The following ARTN variants were observed in gnomAD, a reference collection of about 807,000 sequenced individuals.
ARTN encodes artemin, also known as neublastin.
A neutral mutation model predicts 15.4 loss-of-function variants in ARTN; 9 were observed. The ratio of observed to expected loss-of-function variants is 0.58; its 90% CI spans 0.35 to 1.02. The LOEUF (loss-of-function observed/expected upper bound fraction) is 1.02. ARTN is among the 50% of genes least tolerant of loss of function. ARTN has a pLI of 0.02. For synonymous variants in ARTN, 163 were observed against 155.8 expected, an observed-to-expected ratio of 1.05 and a Z score of -0.35; for missense variants, 284 against 327.9, an observed-to-expected ratio of 0.87 and a Z score of 1.03.
chr1:43,936,679 T>C lies in ARTN; in HGVS notation c.577T>C (p.Tyr193His). 1 of 1,597,780 alleles carries C rather than the reference T, an allele frequency of 6.3e-7. No individual in the cohort carries two copies. Among genetic ancestry groups the C allele is most frequent in the Non-Finnish European group, 8.5e-7 (1 of 1,172,432 alleles). The change falls in exon 5 of 5, where the codon TAC (tyrosine) becomes CAC (histidine). Residue 193 changes from tyrosine (Y) to histidine (H), a missense_variant. Transcript: ENST00000372359. The surrounding 1 kb of genome is among the most constrained non-coding windows in gnomAD (Gnocchi z 6.6). ...CCAGCCCTGCTGCCGACCCACGCGC[T>C]ACGAAGCGGTCTCCTTCATGGACGT... ...VSQPCCRPTR[Y>H]EAVSFMDVNS...
Position 43,936,482 on chromosome 1 carries a change from C to T in ARTN, c.380C>T (p.Ser127Leu), listed in dbSNP as rs1438201269. The T allele has an allele frequency of 5.5e-6, 7 of 1,272,354 alleles. No homozygotes were observed. The highest frequency in any genetic ancestry group is 6.9e-6 in the Non-Finnish European group (7 of 1,009,516). The allele number at this position is 1,272,354 out of a possible 1,614,324, so 78.8% of individuals were successfully genotyped here. ...GGGGCGCGGGGCTGCCGCCTGCGCT[C>T]GCAGCTGGTGCCGGTGCGCGCGCTC... is the stretch of plus-strand genomic sequence containing the variant. ...AAGARGCRLR[S>L]QLVPVRALGL... The change falls in exon 5 of 5, where the codon TCG becomes TTG. Residue 127 changes from serine (S) to leucine (L), a missense_variant. Physicochemically the swap from Ser to Leu is moderately radical, Grantham distance 145 (BLOSUM62 -2). Coordinates refer to ENST00000372359, the MANE Select transcript of ARTN (RefSeq NM_057091.3). This position sits in a 1 kb window ranked among gnomAD's most constrained non-coding sequence, Gnocchi z 6.6.
chr1:43,935,420 A>G lies in ARTN; in HGVS notation c.-67-170A>G. 11 of 547,028 alleles carry G rather than the reference A, an allele frequency of 2.0e-5. No individual in the cohort carries two copies. In the South Asian group the frequency reaches 2.6e-4, roughly 13 times the overall value. The allele number at this position is 547,028 out of a possible 1,614,324, so 33.9% of individuals were successfully genotyped here. On this transcript the variant is annotated intron_variant, in intron 2 of 4. Transcript: ENST00000372359. ...AAAAGGGGATTAAACCATTTACCTC[A>G]TGGAGTTGTGAAAGAATAGCTGCAA...
chr1:43,936,319 TG>T lies in ARTN; in HGVS notation c.219del (p.Trp73CysfsTer188). On this transcript the variant is annotated frameshift_variant, in exon 5 of 5. Coordinates refer to ENST00000372359, the MANE Select transcript of ARTN (RefSeq NM_057091.3). LOFTEE classifies it high-confidence loss of function. This position sits in a 1 kb window ranked among gnomAD's most constrained non-coding sequence, Gnocchi z 6.6. ...GHLPGGRTAR[W>X]CSGRARRPPP... ...CATTCCAGGGGGACGCACGGCCCGC[TG>T]GTGCAGTGGAAGAGCCCGGCGGCCG... The T allele has an allele frequency of 7.4e-7, 1 of 1,352,852 alleles. No individual in the cohort carries two copies. Among genetic ancestry groups the T allele is most frequent in the Non-Finnish European group, 9.4e-7 (1 of 1,061,076 alleles). 83.8% of individuals were successfully genotyped at this position (1,352,852 alleles called of 1,614,324 possible). A position where few individuals can be genotyped will look rare whatever the true frequency, so the allele number is the denominator to read the frequency against.
intron 3 of ARTN, 53 bp downstream of exon 3, chr1:43,935,769 C>T: frequency 6.5e-7 from 1 of 1,539,960 alleles, no homozygotes; most frequent in Non-Finnish European, 8.9e-7. Context: ...GGCGGCTTGA[C>T]TGGTGAGGGA....
At position 43,936,371 on chromosome 1, in the gene ARTN, C is replaced by T; in HGVS notation, c.269C>T (p.Pro90Leu). 1.5e-6 allele frequency: 2 copies of T among 1,291,210 alleles called. No individual in the cohort carries two copies. Among genetic ancestry groups the T allele is most frequent in the Non-Finnish European group, 2.0e-6 (2 of 1,024,718 alleles). The allele number at this position is 1,291,210 out of a possible 1,614,324, so 80.0% of individuals were successfully genotyped here. A position where few individuals can be genotyped will look rare whatever the true frequency, so the allele number is the denominator to read the frequency against. The change falls in exon 5 of 5, where the codon CCC (proline) becomes CTC (leucine). Residue 90 changes from proline to leucine, a missense_variant. Transcript: ENST00000372359. The surrounding 1 kb of genome is among the most constrained non-coding windows in gnomAD (Gnocchi z 6.6). ...RPPPQPSRPA[P>L]PPPAPPSALP... ...CCGCCGCAGCCTTCTCGGCCCGCGC[C>T]CCCGCCGCCTGCACCCCCATCTGCT... is the stretch of plus-strand genomic sequence containing the variant.
chr1:43,935,615 C>T lies in ARTN; in HGVS notation c.-42C>T. 6.2e-7 allele frequency: 1 copy of T among 1,602,602 alleles called. No individual in the cohort carries two copies. Among genetic ancestry groups the T allele is most frequent in the Non-Finnish European group, 8.5e-7 (1 of 1,173,530 alleles). On this transcript the variant is annotated 5_prime_UTR_variant, in exon 3 of 5. Transcript: ENST00000372359. ...CTGCCTCAACAGGAGGGTGGGGGAA[C>T]AGCTCAACAATGGCTGATGGGCGCT...
Position 43,936,246 on chromosome 1 carries a change from G to A in ARTN, c.199+15G>A, listed in dbSNP as rs1352135950. On this transcript the variant is annotated intron_variant, in intron 4 of 4. Coordinates refer to ENST00000372359, the MANE Select transcript of ARTN (RefSeq NM_057091.3). The surrounding 1 kb of genome is among the most constrained non-coding windows in gnomAD (Gnocchi z 6.6). ...CCACCTGCCGGGTAGGTGAGAGGGC[G>A]AGGGGGCGGGGCGGGGCTGGCCCGG... The A allele has an allele frequency of 5.3e-5, 76 of 1,431,990 alleles. No individual in the cohort carries two copies. The highest frequency in any genetic ancestry group is 6.4e-5 in the Non-Finnish European group (71 of 1,103,652). 88.7% of individuals were successfully genotyped at this position (1,431,990 alleles called of 1,614,324 possible).
chr1:43,934,878 A>G (rs1221424569), intron 2 of ARTN, among the ~76,000 whole-genome samples: 1 of 152,170 alleles, frequency 6.6e-6, no homozygotes, highest in Non-Finnish European at 1.5e-5. Flanking sequence ...AGGGGATGGA[A>G]AAGCCCACCC....
At position 43,936,879 on chromosome 1, in the gene ARTN, G is replaced by A. The variant is rs2154301719; in HGVS notation, c.*114G>A. 3 of 1,296,768 alleles carry A rather than the reference G, an allele frequency of 2.3e-6. No individual in the cohort carries two copies. In the South Asian group the frequency reaches 6.9e-5, roughly 30 times the overall value. The allele number at this position is 1,296,768 out of a possible 1,614,324, so 80.3% of individuals were successfully genotyped here. A position where few individuals can be genotyped will look rare whatever the true frequency, so the allele number is the denominator to read the frequency against. On this transcript the variant is annotated 3_prime_UTR_variant, in exon 5 of 5. Coordinates refer to ENST00000372359, the MANE Select transcript of ARTN (RefSeq NM_057091.3). This position sits in a 1 kb window ranked among gnomAD's most constrained non-coding sequence, Gnocchi z 6.6. Reference sequence around the variant, plus strand: ...CTCAGCCAGGGACGAAGGCCTCAAAGCTGAGAGGCCCCTGCCGGTGGGTGA... The same window carrying A: ...CTCAGCCAGGGACGAAGGCCTCAAAACTGAGAGGCCCCTGCCGGTGGGTGA...
intron 3 of ARTN, 83 bp downstream of exon 3, chr1:43,935,799 C>A: frequency 2.2e-6 from 3 of 1,389,236 alleles, no homozygotes; most frequent in Non-Finnish European, 2.0e-6. Context: ...TTGGCTTGGG[C>A]AGCGGTTAGG....
rs1212229050 is a variant in ARTN at position 43,937,165 on chromosome 1, AGTGCCT to A, written c.*405_*410del. On this transcript the variant is annotated 3_prime_UTR_variant, in exon 5 of 5. Transcript: ENST00000372359. ...CACATATTGCAGTTGCTTGGTTGAA[AGTGCCT>A]GTGCTGGAACTGGCCTGTACTCACT... 1.2e-5 allele frequency: 2 copies of A among 167,344 alleles called. No individual in the cohort carries two copies. Among genetic ancestry groups the A allele is most frequent in the Non-Finnish European group, 2.6e-5 (2 of 78,416 alleles). 10.4% of individuals were successfully genotyped at this position (167,344 alleles called of 1,614,324 possible). A position where few individuals can be genotyped will look rare whatever the true frequency, so the allele number is the denominator to read the frequency against.
Position 43,936,460 on chromosome 1 carries a change from G to T in ARTN, c.358G>T (p.Ala120Ser), listed in dbSNP as rs2085098224. 1.7e-6 allele frequency: 2 copies of T among 1,178,406 alleles called. No individual in the cohort carries two copies. The highest frequency in any genetic ancestry group is 8.0e-5 in the South Asian group (2 of 25,084). The allele number at this position is 1,178,406 out of a possible 1,614,324, so 73.0% of individuals were successfully genotyped here. ...GPGSRARAAG[A>S]RGCRLRSQLV... ...GGGCAGCCGCGCTCGGGCAGCGGGGGCGCGGGGCTGCCGCCTGCGCTCGCA... is the reference window on the plus strand; with the variant it reads ...GGGCAGCCGCGCTCGGGCAGCGGGGTCGCGGGGCTGCCGCCTGCGCTCGCA... Residue 120 changes from alanine (A) to serine (S), a missense_variant, in exon 5 of 5, where the codon GCG becomes TCG. Ala to Ser is a moderately conservative substitution (Grantham distance 99, BLOSUM62 1). Transcript: ENST00000372359. The surrounding 1 kb of genome is among the most constrained non-coding windows in gnomAD (Gnocchi z 6.6).
At chr1:43,935,760 G>A in intron 3 of ARTN, 44 bp downstream of exon 3, 1 of 1,568,152 alleles carries the variant, frequency 6.4e-7, no homozygotes, top group South Asian at 1.2e-5. Flanking sequence ...CTGAGGAAAG[G>A]CGGCTTGACT....
In ARTN at chr1:43,936,469, T is replaced by C; in HGVS notation, c.367T>C (p.Cys123Arg). The C allele has an allele frequency of 1.6e-6, 2 of 1,234,224 alleles. No homozygotes were observed. The highest frequency in any genetic ancestry group is 2.0e-6 in the Non-Finnish European group (2 of 987,310). 76.5% of individuals were successfully genotyped at this position (1,234,224 alleles called of 1,614,324 possible). The change falls in exon 5 of 5, where the codon TGC (cysteine) becomes CGC (arginine). Residue 123 changes from cysteine (C) to arginine (R), a missense_variant. Physicochemically the swap from Cys to Arg is radical, Grantham distance 180. Coordinates refer to ENST00000372359, the MANE Select transcript of ARTN (RefSeq NM_057091.3). This position sits in a 1 kb window ranked among gnomAD's most constrained non-coding sequence, Gnocchi z 6.6. ...SRARAAGARGCRLRSQLVPVR... is the reference protein window; with the variant it reads ...SRARAAGARGRRLRSQLVPVR... ...CGCTCGGGCAGCGGGGGCGCGGGGCTGCCGCCTGCGCTCGCAGCTGGTGCC... is the reference window on the plus strand; with the variant it reads ...CGCTCGGGCAGCGGGGGCGCGGGGCCGCCGCCTGCGCTCGCAGCTGGTGCC...
chr1:43,935,768 A>C (rs2085084976), intron 3 of ARTN, 52 bp downstream of exon 3: 1 of 1,545,132 alleles, frequency 6.5e-7, no homozygotes, highest in Non-Finnish European at 8.8e-7. Flanking sequence ...AGGCGGCTTG[A>C]CTGGTGAGGG....
chr1:43,935,645 G>A lies in ARTN; in HGVS notation c.-12G>A. Reference sequence around the variant, plus strand: ...CAACAATGGCTGATGGGCGCTCCTGGTGTTGATAGAGATGGAACTTGGACT... The same window carrying A: ...CAACAATGGCTGATGGGCGCTCCTGATGTTGATAGAGATGGAACTTGGACT... On this transcript the variant is annotated 5_prime_UTR_variant, in exon 3 of 5. In the 5' UTR this introduces an upstream ATG that the reference lacks. Coordinates refer to ENST00000372359, the MANE Select transcript of ARTN (RefSeq NM_057091.3). 1.2e-6 allele frequency: 2 copies of A among 1,613,378 alleles called. No homozygotes were observed. The highest frequency in any genetic ancestry group is 1.7e-6 in the Non-Finnish European group (2 of 1,179,660).
At chr1:43,935,439 G>C in intron 2 of ARTN, 151 bp from the exon 3 acceptor site, 1 of 558,920 alleles carries the variant, frequency 1.8e-6, no homozygotes, top group East Asian at 3.2e-5. Flanking sequence ...TGAAAGAATA[G>C]CTGCAAAGCA....
rs779891254 is a variant in ARTN at position 43,936,103 on chromosome 1, G to T, written c.71G>T (p.Trp24Leu). 1 of 1,610,366 alleles carries T rather than the reference G, an allele frequency of 6.2e-7. No homozygotes were observed. The highest frequency in any genetic ancestry group is 1.1e-5 in the South Asian group (1 of 90,910). ...CPWPRQQPAL[W>L]PTLAALALLS... The stretch of plus-strand genomic sequence containing the variant: ...GGTCTCTCCGCGCAGCCTGCCCTGT[G>T]GCCCACCCTGGCCGCTCTGGCTCTG... The change falls in exon 4 of 5, where the codon TGG (tryptophan) becomes TTG (leucine). Residue 24 changes from tryptophan to leucine, a missense_variant. Physicochemically the swap from Trp to Leu is moderately conservative, Grantham distance 61 (BLOSUM62 -2). Coordinates refer to ENST00000372359, the MANE Select transcript of ARTN (RefSeq NM_057091.3). This position sits in a 1 kb window ranked among gnomAD's most constrained non-coding sequence, Gnocchi z 6.6.
intron 2 of ARTN, among the ~76,000 whole-genome samples, chr1:43,935,171 C>A (rs1237589184): frequency 2.6e-5 from 4 of 152,186 alleles, no homozygotes; most frequent in African/African-American, 9.7e-5. Flanking sequence ...CACCCTAATT[C>A]TTCTCCAGCC....
Sources: allele counts gnomAD v4.1 joint callset (sites outside exome capture counted in the v4.1 genomes callset), GRCh38; gene constraint gnomAD v4.1.1; non-coding constraint Gnocchi (gnomAD v3.1); transcripts MANE v1.5; gene names NCBI Gene and HGNC (gene_info 2026-07-23, HGNC 2026-07-21).